Variants in SLC9D1 observed in about 807,000 individuals in gnomAD.
SLC9D1 encodes the protein solute carrier family 9 member D1, also known as putative LAG1-interacting protein.
chr13:113,548,267 A>C, the SLC9D1 span: 2 of 1,609,794 alleles, frequency 1.2e-6, no homozygotes, highest in South Asian at 2.2e-5. Context: ...GTGTGGGTCC[A>C]GTCTTCAGCA....
chr13:113,509,289 TCC>T, the SLC9D1 span, among the ~76,000 whole-genome samples: 7 of 111,696 alleles, frequency 6.3e-5, no homozygotes, highest in African/African-American at 1.7e-4. Flanking sequence ...GGTGGGTGGG[TCC>T]CCCCTGGAGC....
At chr13:113,543,036 CGT>C in the SLC9D1 span, among the ~76,000 whole-genome samples, 35,175 of 110,410 alleles carry the variant, frequency 0.32, 7,556 homozygotes, top group African/African-American at 0.57. Context: ...CCCGGCCCTC[CGT>C]GTGTGTGACC....
At chr13:113,545,208 A>G in the SLC9D1 span, among the ~76,000 whole-genome samples, 1 of 152,222 alleles carries the variant, frequency 6.6e-6, no homozygotes, top group Non-Finnish European at 1.5e-5. Flanking sequence ...AACCAGGCAC[A>G]TACCTCACAT....
At chr13:113,538,335 ACT>A in the SLC9D1 span, among the ~76,000 whole-genome samples, 2 of 151,680 alleles carry the variant, frequency 1.3e-5, no homozygotes, top group African/African-American at 4.9e-5. Context: ...TGCCCCTCTG[ACT>A]CTGCCCACCT....
the SLC9D1 span, chr13:113,511,980 T>G: frequency 6.8e-6 from 1 of 148,078 alleles, no homozygotes; most frequent in Non-Finnish European, 1.5e-5. Flanking sequence ...GGAGTGTAGA[T>G]GGAGAGGGTC....
the SLC9D1 span, among the ~76,000 whole-genome samples, chr13:113,518,597 G>A: frequency 6.6e-6 from 1 of 152,306 alleles, no homozygotes; most frequent in Middle Eastern, 3.4e-3. Context: ...GGTGGCCGTG[G>A]CTCCTTTGCA....
chr13:113,519,121 G>A, the SLC9D1 span, among the ~76,000 whole-genome samples: 2 of 149,684 alleles, frequency 1.3e-5, no homozygotes, highest in African/African-American at 4.9e-5. Flanking sequence ...TCAGCTCACT[G>A]TAACCTCCGC....
chr13:113,517,231 C>T, the SLC9D1 span, among the ~76,000 whole-genome samples: 1 of 152,170 alleles, frequency 6.6e-6, no homozygotes, highest in Admixed American at 6.5e-5. Flanking sequence ...AATATTCATG[C>T]AGCCTTTGTT....
chr13:113,531,946 G>C, the SLC9D1 span, among the ~76,000 whole-genome samples: 15 of 152,192 alleles, frequency 9.9e-5, no homozygotes, highest in Admixed American at 9.8e-4. Context: ...TAGGGGCTTG[G>C]TCCTGGAGCC....
chr13:113,537,461 C>T, the SLC9D1 span, among the ~76,000 whole-genome samples: 89 of 152,230 alleles, frequency 5.8e-4, no homozygotes, highest in Non-Finnish European at 6.8e-4. Context: ...CGTCGCCGTG[C>T]GCACCAGCAC....
chr13:113,517,282 G>A, the SLC9D1 span, among the ~76,000 whole-genome samples: 3,583 of 152,274 alleles, frequency 0.024, 89 homozygotes, highest in East Asian at 0.11. Context: ...GCCCAGGCTG[G>A]AGTGCAACGG....
chr13:113,495,278 A>G, the SLC9D1 span, among the ~76,000 whole-genome samples: 1 of 152,218 alleles, frequency 6.6e-6, no homozygotes, highest in Non-Finnish European at 1.5e-5. Flanking sequence ...GATGTAGCTG[A>G]CCTTTAATCA....
chr13:113,525,967 CGTA>C, the SLC9D1 span, among the ~76,000 whole-genome samples: 1 of 151,096 alleles, frequency 6.6e-6, no homozygotes, highest in African/African-American at 2.4e-5. Flanking sequence ...CCGTCGTCGT[CGTA>C]GGAGACGACA....
chr13:113,495,396 A>G, the SLC9D1 span: 2 of 513,806 alleles, frequency 3.9e-6, no homozygotes, highest in Admixed American at 3.6e-5. Context: ...AGGAAAAATG[A>G]GAATTTCTTC....
chr13:113,503,474 G>C, the SLC9D1 span: 1 of 1,567,704 alleles, frequency 6.4e-7, no homozygotes, highest in Non-Finnish European at 8.8e-7. Context: ...CAATTATATG[G>C]TTTTTCTTTT....
At chr13:113,539,410 G>T in the SLC9D1 span, 1 of 1,613,476 alleles carries the variant, frequency 6.2e-7, no homozygotes, top group Non-Finnish European at 8.5e-7. The surrounding 1 kb of genome is among the most constrained non-coding windows in gnomAD (Gnocchi z 4.8). Context: ...TGGCTGGAGC[G>T]CTCGTCTCCT....
At chr13:113,492,121 A>G in the SLC9D1 span, among the ~76,000 whole-genome samples, 1 of 152,170 alleles carries the variant, frequency 6.6e-6, no homozygotes, top group Admixed American at 6.5e-5. Flanking sequence ...CTGGGGCCAC[A>G]GGGAGCATCA....
chr13:113,515,674 G>A, the SLC9D1 span, among the ~76,000 whole-genome samples: 6 of 151,758 alleles, frequency 4.0e-5, no homozygotes, highest in Non-Finnish European at 8.8e-5. Flanking sequence ...GGCGGATCAC[G>A]AGGTCAGGAG....
chr13:113,537,157 A>G, the SLC9D1 span, among the ~76,000 whole-genome samples: 1 of 152,182 alleles, frequency 6.6e-6, no homozygotes, highest in Non-Finnish European at 1.5e-5. Context: ...ATTATTTTTT[A>G]TATGCCGGCA....
Sources: gnomAD v4.1 joint callset for allele counts (sites outside exome capture counted in the v4.1 genomes callset) on GRCh38, gnomAD v4.1.1 for gene constraint, Gnocchi (gnomAD v3.1) non-coding constraint, MANE v1.5 for transcripts, NCBI Gene and HGNC (gene_info 2026-07-23, HGNC 2026-07-21) for gene names.